The following BICD1 variants were observed in gnomAD, a reference collection of about 807,000 sequenced individuals.
The protein encoded by BICD1 is BICD cargo adaptor 1, also known as protein bicaudal D homolog 1.
BICD1 carries 35 observed loss-of-function variants against 92.5 expected under a neutral mutation model. The ratio of observed to expected loss-of-function variants is 0.38; its 90% confidence interval spans 0.29 to 0.50. The LOEUF (loss-of-function observed/expected upper bound fraction) is 0.50, where lower values mean the gene tolerates loss of function less well. Ranked by LOEUF, BICD1 falls within the 20% of genes least tolerant of loss-of-function variation. BICD1 has a pLI of 0.93. For missense variants in BICD1, 950 were observed against 1,189.8 expected, an observed-to-expected ratio of 0.80 and a Z score of 2.97; for synonymous variants, 429 against 465.1, an observed-to-expected ratio of 0.92 and a Z score of 1.00.
chr12:32,346,187 G>T (rs1214154616), intron 8 of BICD1, among the ~76,000 whole-genome samples: 1 of 151,806 alleles, frequency 6.6e-6, no homozygotes, highest in Non-Finnish European at 1.5e-5. Context: ...CTTAATTTTA[G>T]TAGTAGATTT....
chr12:32,237,031 T>C (rs4001806), intron 2 of BICD1, among the ~76,000 whole-genome samples: 102,130 of 151,600 alleles, frequency 0.67, 34,710 homozygotes, highest in African/African-American at 0.77. Flanking sequence ...CCCGCCACCA[T>C]ACCCGGCTAA....
chr12:32,253,217 C>A (rs925226361), intron 2 of BICD1, among the ~76,000 whole-genome samples: 1 of 152,088 alleles, frequency 6.6e-6, no homozygotes, highest in African/African-American at 2.4e-5. Flanking sequence ...ATTTGGATTC[C>A]TTTTTCTTTG....
intron 2 of BICD1, among the ~76,000 whole-genome samples, chr12:32,226,601 G>T (rs924674232): frequency 4.6e-5 from 7 of 152,182 alleles, no homozygotes; most frequent in African/African-American, 1.7e-4. Flanking sequence ...AAGGGAGAGT[G>T]CAGGCTGAGT....
chr12:32,139,319 TCAAGG>T (rs1415170577), intron 1 of BICD1, among the ~76,000 whole-genome samples: 1 of 152,208 alleles, frequency 6.6e-6, no homozygotes, highest in African/African-American at 2.4e-5. Context: ...CTGAGAATTT[TCAAGG>T]CAGTGCTTTC....
chr12:32,329,190 C>T (rs1477464680), intron 5 of BICD1, among the ~76,000 whole-genome samples: 2 of 152,182 alleles, frequency 1.3e-5, no homozygotes, highest in Middle Eastern at 3.4e-3. Flanking sequence ...CTGCAACCTC[C>T]GCCTCCTGGG....
chr12:32,275,168 G>A (rs1947243072), intron 2 of BICD1, among the ~76,000 whole-genome samples: 1 of 152,120 alleles, frequency 6.6e-6, no homozygotes, highest in Admixed American at 6.5e-5. Flanking sequence ...TGCAAATCAA[G>A]TTGTAAATTA....
chr12:32,195,847 A>T (rs1237502992), intron 1 of BICD1, among the ~76,000 whole-genome samples: 1 of 152,214 alleles, frequency 6.6e-6, no homozygotes. Context: ...AGACAGCCTA[A>T]AGAATGGGAC....
intron 1 of BICD1, among the ~76,000 whole-genome samples, chr12:32,205,672 T>C (rs1401600791): frequency 6.7e-6 from 1 of 149,916 alleles, no homozygotes; most frequent in Non-Finnish European, 1.5e-5. Context: ...GCTTTGTTGA[T>C]GTATAAGTGA....
At chr12:32,326,206 A>G (rs1402971420) in intron 4 of BICD1, among the ~76,000 whole-genome samples, 1 of 151,432 alleles carries the variant, frequency 6.6e-6, no homozygotes, top group African/African-American at 2.5e-5. Flanking sequence ...AAGAAGAAGA[A>G]AGAAAAGAAA....
intron 1 of BICD1, among the ~76,000 whole-genome samples, chr12:32,199,526 G>T (rs992051536): frequency 1.3e-5 from 2 of 152,120 alleles, no homozygotes; most frequent in Non-Finnish European, 2.9e-5. Flanking sequence ...GGTTATGGGG[G>T]GAAGGCCTGG....
At position 32,328,625 on chromosome 12, in the gene BICD1, T is replaced by G; in HGVS notation, c.2100+70T>G. Reference sequence around the variant, plus strand: ...TAACTAATTTATTCCCTAATTTTATTGAGTATCGAGTATCGTCAAGATGAG... The same window carrying G: ...TAACTAATTTATTCCCTAATTTTATGGAGTATCGAGTATCGTCAAGATGAG... On this transcript the variant is annotated intron_variant, in intron 5 of 9. Coordinates refer to ENST00000652176, the MANE Select transcript of BICD1 (RefSeq NM_001714.4). The surrounding 1 kb of genome is among the most constrained non-coding windows in gnomAD (Gnocchi z 4.4). 1 of 1,534,928 alleles carries G rather than the reference T, an allele frequency of 6.5e-7. No individual in the cohort carries two copies. The highest frequency in any genetic ancestry group is 8.8e-7 in the Non-Finnish European group (1 of 1,141,120).
intron 2 of BICD1, among the ~76,000 whole-genome samples, chr12:32,226,739 G>A (rs1945707957): frequency 6.6e-6 from 1 of 152,202 alleles, no homozygotes. Context: ...TCCCAGTTGA[G>A]AAGCCCCTTC....
intron 2 of BICD1, among the ~76,000 whole-genome samples, chr12:32,220,415 C>T (rs144996045): frequency 0.017 from 2,545 of 152,206 alleles, 65 homozygotes; most frequent in African/African-American, 0.055. Context: ...CCAACAACCC[C>T]GTCAAAAAGT....
intron 2 of BICD1, among the ~76,000 whole-genome samples, chr12:32,220,159 T>C (rs1417741337): frequency 6.6e-6 from 1 of 152,112 alleles, no homozygotes; most frequent in Non-Finnish European, 1.5e-5. Context: ...AACCTAGCCA[T>C]TACCATTCAG....
chr12:32,188,543 T>G (rs1410069711), intron 1 of BICD1, among the ~76,000 whole-genome samples: 1 of 152,194 alleles, frequency 6.6e-6, no homozygotes, highest in Non-Finnish European at 1.5e-5. Flanking sequence ...CCATAGAGGT[T>G]CCCTGACATT....
chr12:32,303,114 T>C (rs954707993), intron 3 of BICD1, among the ~76,000 whole-genome samples: 6 of 151,906 alleles, frequency 3.9e-5, no homozygotes, highest in Non-Finnish European at 5.9e-5. Flanking sequence ...TTCTTATTTT[T>C]TGTAGAGAGA....
At chr12:32,288,053 G>A (rs1031121106) in intron 2 of BICD1, among the ~76,000 whole-genome samples, 2 of 152,126 alleles carry the variant, frequency 1.3e-5, no homozygotes, top group East Asian at 1.9e-4. Flanking sequence ...ACAAAGCCCC[G>A]TGAGGCTCAG....
chr12:32,218,138 C>T (rs924264777), intron 2 of BICD1, among the ~76,000 whole-genome samples: 3 of 151,896 alleles, frequency 2.0e-5, no homozygotes, highest in African/African-American at 4.8e-5. Context: ...TGTGAGTCAA[C>T]GTGGTGATGA....
intron 1 of BICD1, among the ~76,000 whole-genome samples, chr12:32,143,256 C>T (rs767689277): frequency 1.2e-4 from 19 of 152,240 alleles, no homozygotes; most frequent in Non-Finnish European, 2.1e-4. Flanking sequence ...TCATAAGCAC[C>T]GCACAATCTC....
Sources: allele counts gnomAD v4.1 joint callset (sites outside exome capture counted in the v4.1 genomes callset), GRCh38; gene constraint gnomAD v4.1.1; non-coding constraint Gnocchi (gnomAD v3.1); transcripts MANE v1.5; gene names NCBI Gene and HGNC (gene_info 2026-07-23, HGNC 2026-07-21).